NOSTRIN: variants seen among roughly 807,000 people sequenced by gnomAD.
NOSTRIN encodes BM247 homolog.
Under a neutral mutation model 59.0 loss-of-function variants are expected in NOSTRIN, and 63 were observed. The observed-to-expected ratio is 1.07, with a 90% CI of 0.87 to 1.32. NOSTRIN has a LOEUF of 1.32. Ranked by LOEUF, NOSTRIN falls within the 40% of genes most tolerant of loss-of-function variation. The pLI, the probability that NOSTRIN is intolerant of heterozygous loss-of-function variation, is 0.00. For missense variants in NOSTRIN, 512 were observed against 473.1 expected, an observed-to-expected ratio of 1.08 and a Z score of -0.76; for synonymous variants, 200 against 165.4, an observed-to-expected ratio of 1.21 and a Z score of -1.61.
chr2:168,800,681 A>G (rs796146044), upstream of NOSTRIN, among the ~76,000 whole-genome samples: 1 of 152,148 alleles, frequency 6.6e-6, no homozygotes, highest in African/African-American at 2.4e-5. Context: ...GAAACTGGCA[A>G]GGGAGGCCAA....
chr2:168,821,353 A>G (rs1246526128), intron 2 of NOSTRIN, among the ~76,000 whole-genome samples: 1 of 152,256 alleles, frequency 6.6e-6, no homozygotes, highest in African/African-American at 2.4e-5. Context: ...TACAGTTCTC[A>G]AAAGTGGTGA....
At chr2:168,810,585 C>A (rs1454185385) in intron 1 of NOSTRIN, among the ~76,000 whole-genome samples, 2 of 152,076 alleles carry the variant, frequency 1.3e-5, no homozygotes, top group African/African-American at 2.4e-5. Flanking sequence ...AATATGGTGC[C>A]CAACTGAATG....
At chr2:168,794,525 G>A (rs1397054820), upstream of NOSTRIN, among the ~76,000 whole-genome samples, 1 of 151,498 alleles carries the variant, frequency 6.6e-6, no homozygotes, top group East Asian at 2.0e-4. Context: ...CTAATTTTTT[G>A]TGTTTTTACT....
chr2:168,844,830 A>G (rs1200008891), intron 8 of NOSTRIN, among the ~76,000 whole-genome samples: 1 of 151,648 alleles, frequency 6.6e-6, no homozygotes, highest in Non-Finnish European at 1.5e-5. Context: ...AGATCATGCC[A>G]CTGCACACTA....
rs1385933390 is a variant in NOSTRIN, at chr2:168,816,535, A to T, written c.113+4883A>T. On this transcript the variant is annotated intron_variant, in intron 2 of 15. Transcript: ENST00000317647. ...CACACGTGGGTCCCTGCATTTGCAC[A>T]GGCTGTATTGCCTGCCTGGTAGATG... Among the ~76,000 whole-genome samples the T allele has an allele frequency of 3.3e-5, 5 of 152,232 alleles. No individual in the cohort carries two copies. The East Asian group carries it at 9.6e-4, about 29-fold the overall frequency.
intron 8 of NOSTRIN, among the ~76,000 whole-genome samples, chr2:168,844,420 A>T (rs533831098): frequency 2.5e-4 from 38 of 152,258 alleles, no homozygotes; most frequent in African/African-American, 9.1e-4. Flanking sequence ...AAGCAGATAC[A>T]ATTGGAGAAA....
chr2:168,856,653 G>A, intron 11 of NOSTRIN, 37 bp from the exon 12 acceptor site: 2 of 1,580,636 alleles, frequency 1.3e-6, no homozygotes, highest in Non-Finnish European at 1.7e-6. Flanking sequence ...CACTGAGACA[G>A]TGTGAAAGGT....
chr2:168,830,919 CA>C (rs1225005556), intron 5 of NOSTRIN, among the ~76,000 whole-genome samples: 1 of 152,194 alleles, frequency 6.6e-6, no homozygotes, highest in African/African-American at 2.4e-5. Flanking sequence ...ATGCTTTTTA[CA>C]TTCTTATAGA....
intron 1 of NOSTRIN, among the ~76,000 whole-genome samples, chr2:168,809,744 ATATT>A (rs946542351): frequency 2.7e-5 from 4 of 147,844 alleles, no homozygotes; most frequent in African/African-American, 7.3e-5. Flanking sequence ...TTTTATTAAA[ATATT>A]TATATATTAA....
In NOSTRIN at chr2:168,845,791, T is replaced by TTC. The variant is rs938291244; in HGVS notation, c.630+2675_630+2676insCT. The stretch of plus-strand genomic sequence containing the variant: ...GACCTAGTTTTAGTTTTTTTCTTCC[T>TTC]TTTTTTTTTTTTTTTTGTTAGAATC... On this transcript the variant is annotated intron_variant, in intron 8 of 15. Coordinates refer to ENST00000317647, the MANE Select transcript of NOSTRIN (RefSeq NM_001039724.4). Among the ~76,000 whole-genome samples, 115 of 20,494 alleles carry TTC rather than the reference T, an allele frequency of 5.6e-3. 2 individuals are homozygous for TTC. The highest frequency in any genetic ancestry group is 0.012 in the African/African-American group (21 of 1,762). 13.4% of individuals were successfully genotyped at this position (20,494 alleles called of 152,430 possible). A position where few individuals can be genotyped will look rare whatever the true frequency, so the allele number is the denominator to read the frequency against.
rs540300190 is a variant in NOSTRIN at position 168,864,722 on chromosome 2, A to C, written c.1385-112A>C. 6 of 1,253,210 alleles carry C rather than the reference A, an allele frequency of 4.8e-6. No homozygotes were observed. In the Admixed American group the frequency reaches 8.3e-5, roughly 17 times the overall value. The allele number at this position is 1,253,210 out of a possible 1,614,324, so 77.6% of individuals were successfully genotyped here. On this transcript the variant is annotated intron_variant, in intron 15 of 15. Coordinates refer to ENST00000317647, the MANE Select transcript of NOSTRIN (RefSeq NM_001039724.4). ...GCTTCATCTGAATCAAGTGCAGAAA[A>C]TGACACTACCAAGTAAATCCTTGAA...
chr2:168,864,913 T>C lies in NOSTRIN; in HGVS notation c.1464T>C (p.Pro488=), dbSNP rs773751937. ...GSLNGKKGHF[P]AAYVEELPSN... ...TGAATGGGAAAAAAGGCCATTTTCC[T>C]GCCGCTTATGTGGAGGAGTTACCTT... The change falls in exon 16 of 16, where the codon CCT becomes CCC. Residue 488 remains proline (P), a synonymous_variant. Transcript: ENST00000317647. The C allele has an allele frequency of 1.3e-4, 210 of 1,614,024 alleles. No individual in the cohort carries two copies. The highest frequency in any genetic ancestry group is 1.6e-4 in the Non-Finnish European group (191 of 1,180,012).
intron 2 of NOSTRIN, among the ~76,000 whole-genome samples, chr2:168,814,274 T>C (rs540795440): frequency 1.3e-5 from 2 of 152,348 alleles, no homozygotes; most frequent in South Asian, 4.1e-4. Flanking sequence ...TCAACAATTA[T>C]GTTGGTTATG....
intron 8 of NOSTRIN, among the ~76,000 whole-genome samples, chr2:168,848,869 G>A (rs1688583401): frequency 6.6e-6 from 1 of 152,182 alleles, no homozygotes; most frequent in African/African-American, 2.4e-5. Flanking sequence ...TTATGGTGGT[G>A]TTTGCATAAT....
Position 168,856,725 on chromosome 2 carries a change from TC to T in NOSTRIN, c.1002del (p.Ser335ProfsTer14). Reference protein sequence around the residue: ...ERMLKTYSSTSSFSDAKSQKD... With the variant: ...ERMLKTYSSTXSFSDAKSQKD... ...AATGCTTAAAACGTACTCCAGCACC[TC>T]CTCCTTCTCTGATGCAAAGAGCCAG... On this transcript the variant is annotated frameshift_variant, in exon 12 of 16. Coordinates refer to ENST00000317647, the MANE Select transcript of NOSTRIN (RefSeq NM_001039724.4). LOFTEE classifies it high-confidence loss of function. The T allele has an allele frequency of 6.2e-7, 1 of 1,614,112 alleles. No homozygotes were observed. The highest frequency in any genetic ancestry group is 8.5e-7 in the Non-Finnish European group (1 of 1,179,990).
At chr2:168,844,728 C>G (rs192766537) in intron 8 of NOSTRIN, among the ~76,000 whole-genome samples, 7 of 152,010 alleles carry the variant, frequency 4.6e-5, no homozygotes, top group African/African-American at 1.4e-4. Flanking sequence ...AAATTAGCCG[C>G]GCGTGGTGGC....
intron 2 of NOSTRIN, among the ~76,000 whole-genome samples, chr2:168,789,224 G>T (rs889791710): frequency 6.6e-6 from 1 of 152,170 alleles, no homozygotes; most frequent in Non-Finnish European, 1.5e-5. Flanking sequence ...AGGATATTTT[G>T]TGCCTTAAAA....
At chr2:168,838,784 A>C (rs1239735996) in intron 7 of NOSTRIN, among the ~76,000 whole-genome samples, 1 of 133,654 alleles carries the variant, frequency 7.5e-6, no homozygotes, top group Non-Finnish European at 1.5e-5. Flanking sequence ...TAAATAAAAA[A>C]AACTCTTTTT....
Position 168,851,270 on chromosome 2 carries a change from G to C in NOSTRIN, c.730-9G>C. The C allele has an allele frequency of 6.2e-7, 1 of 1,613,756 alleles. No homozygotes were observed. The highest frequency in any genetic ancestry group is 1.3e-5 in the African/African-American group (1 of 75,010). ...CGACAACCTTATTCTGTTCCCCTTG[G>C]CATTGCAGTGCCACACGCAGATTCA... On this transcript the variant is annotated splice_polypyrimidine_tract_variant and intron_variant, in intron 9 of 15. Coordinates refer to ENST00000317647, the MANE Select transcript of NOSTRIN (RefSeq NM_001039724.4).
Sources: allele counts gnomAD v4.1 joint callset (sites outside exome capture counted in the v4.1 genomes callset), GRCh38; gene constraint gnomAD v4.1.1; transcripts MANE v1.5; gene names NCBI Gene and HGNC (gene_info 2026-07-23, HGNC 2026-07-21).